The following EVI5L variants were observed in gnomAD, a reference collection of about 807,000 sequenced individuals.
EVI5L encodes ecotropic viral integration site 5 like.
A neutral mutation model predicts 106.1 loss-of-function variants in EVI5L; 30 were observed. That is an observed-to-expected ratio of 0.28 (90% CI 0.21 to 0.38). EVI5L has a LOEUF of 0.38. Among genes scored for constraint, EVI5L ranks in the 10% least tolerant of loss-of-function variants. The pLI is 1.00. For missense variants in EVI5L, 809 were observed against 1,098.0 expected (o/e 0.74, Z 3.72); for synonymous variants, 489 against 483.3 (o/e 1.01, Z -0.15).
In EVI5L at chr19:7,863,661, G is replaced by A. The variant is rs1366729418; in HGVS notation, c.2377G>A (p.Asp793Asn). The change falls in exon 20 of 20, where the codon GAT (aspartate) becomes AAT (asparagine). Residue 793 changes from aspartate (D) to asparagine (N), a missense_variant. Around this residue, in one of 2 missense-constraint regions of EVI5L, gnomAD observed 452 missense variants for 509.9 expected, o/e 0.89. Transcript: ENST00000538904. This position sits in a 1 kb window ranked among gnomAD's most constrained non-coding sequence, Gnocchi z 7.7. ...DSEGSSDSDADELAAPYSQGL... is the reference protein window; with the variant it reads ...DSEGSSDSDANELAAPYSQGL... Reference sequence around the variant, plus strand: ...CGAGGGCAGCTCAGACAGCGACGCCGATGAGCTGGCCGCGCCCTACAGCCA... The same window carrying A: ...CGAGGGCAGCTCAGACAGCGACGCCAATGAGCTGGCCGCGCCCTACAGCCA... 1 of 1,536,010 alleles carries A rather than the reference G, an allele frequency of 6.5e-7. No individual in the cohort carries two copies. Among genetic ancestry groups the A allele is most frequent in the Non-Finnish European group, 8.7e-7 (1 of 1,142,910 alleles).
chr19:7,848,051 G>A lies in EVI5L; in HGVS notation c.327+130G>A. On this transcript the variant is annotated intron_variant, in intron 3 of 19. Coordinates refer to ENST00000538904, the MANE Select transcript of EVI5L (RefSeq NM_001159944.3). This position sits in a 1 kb window ranked among gnomAD's most constrained non-coding sequence, Gnocchi z 4.8. Reference sequence around the variant, plus strand: ...ACAGCGGCAGCAGTGGAGATGTGCAGGCACTTTCAGGGTGTCCTGCCAGAG... The same window carrying A: ...ACAGCGGCAGCAGTGGAGATGTGCAAGCACTTTCAGGGTGTCCTGCCAGAG... The A allele has an allele frequency of 1.0e-6, 1 of 986,986 alleles. No individual in the cohort carries two copies. Among genetic ancestry groups the A allele is most frequent in the African/African-American group, 1.6e-5 (1 of 61,312 alleles). 61.1% of individuals were successfully genotyped at this position (986,986 alleles called of 1,614,324 possible). A position where few individuals can be genotyped will look rare whatever the true frequency, so the allele number is the denominator to read the frequency against.
intron 1 of EVI5L, among the ~76,000 whole-genome samples, chr19:7,841,784 C>A (rs1180496217): frequency 6.6e-6 from 1 of 152,226 alleles, no homozygotes; most frequent in Admixed American, 6.5e-5. Flanking sequence ...GAGATGGGGC[C>A]TCCCCTGCCT....
intron 1 of EVI5L, among the ~76,000 whole-genome samples, chr19:7,843,690 G>A (rs1978815102): frequency 6.6e-6 from 1 of 151,934 alleles, no homozygotes; most frequent in Non-Finnish European, 1.5e-5. Flanking sequence ...GTGTGTGTGA[G>A]AATAGGCATG....
intron 1 of EVI5L, among the ~76,000 whole-genome samples, chr19:7,838,660 G>C (rs994381930): frequency 6.6e-6 from 1 of 152,094 alleles, no homozygotes; most frequent in African/African-American, 2.4e-5. Context: ...AAGAAGAGAG[G>C]CTCTTGTCCT....
At chr19:7,830,424 C>A in intron 1 of EVI5L, 43 bp downstream of exon 1, 1 of 151,470 alleles carries the variant, frequency 6.6e-6, no homozygotes, top group South Asian at 2.0e-4. Flanking sequence ...CTGCTCAGGC[C>A]GGCGGCTCCG....
chr19:7,833,653 AGC>A (rs1978305873), intron 1 of EVI5L, among the ~76,000 whole-genome samples: 1 of 152,220 alleles, frequency 6.6e-6, no homozygotes, highest in Non-Finnish European at 1.5e-5. Context: ...GGCAGGAGCA[AGC>A]GTGGTGCGCT....
In EVI5L at chr19:7,851,593, G is replaced by A. The variant is rs1351566777; in HGVS notation, c.897+16G>A. The stretch of plus-strand genomic sequence containing the variant: ...CATGTATGAGGTGAGGACCGATGGT[G>A]CCTGGGGAGGGAAGAGAGCCCCTTG... On this transcript the variant is annotated intron_variant, in intron 7 of 19. Transcript: ENST00000538904. 1 of 1,604,350 alleles carries A rather than the reference G, an allele frequency of 6.2e-7. No individual in the cohort carries two copies. The highest frequency in any genetic ancestry group is 8.5e-7 in the Non-Finnish European group (1 of 1,175,140).
rs1978293734 is a variant in EVI5L at position 7,831,628 on chromosome 19, A to G, written c.-48+1247A>G. Among the ~76,000 whole-genome samples the G allele has an allele frequency of 2.0e-5, 3 of 152,210 alleles. 1 individual carries two copies. Among genetic ancestry groups the G allele is most frequent in the Non-Finnish European group, 4.4e-5 (3 of 68,030 alleles). On this transcript the variant is annotated intron_variant, in intron 1 of 19. Transcript: ENST00000538904. ...TCCCTGCTGTGCCCTTTCAAAGGGA[A>G]GGACGCTCACTTTCTCTCCTACACT...
At chr19:7,842,643 A>G (rs1233415220) in intron 1 of EVI5L, among the ~76,000 whole-genome samples, 1 of 148,050 alleles carries the variant, frequency 6.8e-6, no homozygotes, top group Admixed American at 6.7e-5. Context: ...AAATATGTGA[A>G]TGTGGGTGTT....
intron 10 of EVI5L, 108 bp downstream of exon 10, chr19:7,853,441 C>A: frequency 6.9e-7 from 1 of 1,438,914 alleles, no homozygotes; most frequent in Non-Finnish European, 9.5e-7. Flanking sequence ...AGCGCACAGG[C>A]GGACCCGGCG....
intron 10 of EVI5L, among the ~76,000 whole-genome samples, chr19:7,855,572 C>CA: frequency 6.6e-6 from 1 of 152,290 alleles, no homozygotes; most frequent in South Asian, 2.1e-4. Flanking sequence ...GACCCAGACT[C>CA]AAAGAGGAGC....
At chr19:7,830,923 C>A (rs1255641404) in intron 1 of EVI5L, among the ~76,000 whole-genome samples, 13 of 149,456 alleles carry the variant, frequency 8.7e-5, no homozygotes, top group Non-Finnish European at 1.8e-4. Context: ...GCCTACCCGC[C>A]CCCCATGCTG....
intron 1 of EVI5L, among the ~76,000 whole-genome samples, chr19:7,830,727 C>T (rs1978290617): frequency 6.9e-6 from 1 of 145,436 alleles, no homozygotes; most frequent in Admixed American, 6.8e-5. Flanking sequence ...CCCCCCACTC[C>T]GCCGATCAGC....
In EVI5L at chr19:7,862,433, G is replaced by A. The variant is rs1403529391; in HGVS notation, c.1846G>A (p.Ala616Thr). ...TCTGAACCGCGTGGAGGCGGAGCGC[G>A]CGGCGCTGCAGGAGAAGCTGCAGTA... ...NLLNRVEAER[A>T]ALQEKLQYLA... Residue 616 changes from alanine to threonine, a missense_variant, in exon 17 of 20, where the codon GCG becomes ACG. Physicochemically the swap from Ala to Thr is moderately conservative, Grantham distance 58. This residue lies in a region of EVI5L where 452 missense variants were observed against 509.9 expected (regional missense o/e 0.89). Coordinates refer to ENST00000538904, the MANE Select transcript of EVI5L (RefSeq NM_001159944.3). 5 of 1,610,576 alleles carry A rather than the reference G, an allele frequency of 3.1e-6. No homozygotes were observed. In the East Asian group the frequency reaches 6.7e-5, roughly 22 times the overall value.
chr19:7,851,329 C>T lies in EVI5L; in HGVS notation c.754-105C>T, dbSNP rs1380277847. The T allele has an allele frequency of 1.0e-4, 143 of 1,393,920 alleles. 2 individuals are homozygous for T. In the South Asian group the frequency reaches 1.1e-3, roughly 10 times the overall value. 86.3% of individuals were successfully genotyped at this position (1,393,920 alleles called of 1,614,324 possible). On this transcript the variant is annotated intron_variant, in intron 6 of 19. Coordinates refer to ENST00000538904, the MANE Select transcript of EVI5L (RefSeq NM_001159944.3). ...AGGAAGGGAGCCTCAGGCTGCCCAG[C>T]GCAGGTCCAGGAAGGCTCCCTGGAG... is the stretch of plus-strand genomic sequence containing the variant.
At position 7,850,911 on chromosome 19, in the gene EVI5L, G is replaced by A. The variant is rs1036810641; in HGVS notation, c.754-523G>A. ...TTCTCCGGCCTCAGTTTCCCCAGCC[G>A]TCTGCCACTTTCTGGCTGTCTAGAG... On this transcript the variant is annotated intron_variant, in intron 6 of 19. Transcript: ENST00000538904. The surrounding 1 kb of genome is among the most constrained non-coding windows in gnomAD (Gnocchi z 5.4). Among the ~76,000 whole-genome samples, 5 of 152,210 alleles carry A rather than the reference G, an allele frequency of 3.3e-5. No homozygotes were observed. The highest frequency in any genetic ancestry group is 4.8e-5 in the African/African-American group (2 of 41,442).
At chr19:7,854,257 G>A (rs1373634156) in intron 10 of EVI5L, among the ~76,000 whole-genome samples, 3 of 150,250 alleles carry the variant, frequency 2.0e-5, no homozygotes, top group Non-Finnish European at 4.4e-5. Flanking sequence ...ACTCCAGCCT[G>A]GGCGACAGAG....
rs1214164793 is a variant in EVI5L at position 7,849,019 on chromosome 19, G to A, written c.426G>A (p.Glu142=). The A allele has an allele frequency of 1.2e-6, 2 of 1,613,668 alleles. No individual in the cohort carries two copies. Among genetic ancestry groups the A allele is most frequent in the African/African-American group, 2.7e-5 (2 of 75,072 alleles). ...TGCCCGTCAAGAACCAGTACTCCGAGCTGCTCAAGATGTCCTCGCCGTGCG... is the reference window on the plus strand; with the variant it reads ...TGCCCGTCAAGAACCAGTACTCCGAACTGCTCAAGATGTCCTCGCCGTGCG... The part of the protein sequence containing the change: ...TDMPVKNQYS[E]LLKMSSPCEK... Residue 142 remains glutamate, a synonymous_variant, in exon 4 of 20, where the codon GAG becomes GAA. Transcript: ENST00000538904.
At chr19:7,847,594 AG>A in intron 2 of EVI5L, 137 bp from the exon 3 acceptor site, 4 of 606,022 alleles carry the variant, frequency 6.6e-6, no homozygotes, top group East Asian at 3.6e-5. Flanking sequence ...TCAAAGAAGA[AG>A]AAAAAAAAAA....
Sources: allele counts gnomAD v4.1 joint callset (sites outside exome capture counted in the v4.1 genomes callset), GRCh38; gene constraint gnomAD v4.1.1; regional missense constraint gnomAD v4.1.1; non-coding constraint Gnocchi (gnomAD v3.1); transcripts MANE v1.5; gene names NCBI Gene and HGNC (gene_info 2026-07-23, HGNC 2026-07-21).